The following EYS variants were observed in gnomAD, a reference collection of about 807,000 sequenced individuals.
The protein encoded by EYS is EGF-like photoreceptor maintenance factor.
Under a neutral mutation model 282.1 loss-of-function variants are expected in EYS, and 250 were observed. The observed-to-expected ratio is 0.89, with a 90% CI of 0.80 to 0.98. EYS has a LOEUF of 0.98. EYS is among the 50% of genes least tolerant of loss of function. The probability of loss-of-function intolerance (pLI) is 0.00; values close to 1 mark genes in which losing one functional copy is unlikely to be tolerated. For missense variants in EYS, 4,016 were observed against 3,709.0 expected (o/e 1.08, Z -2.15); for synonymous variants, 1,355 against 1,282.9 (o/e 1.06, Z -1.20).
At chr6:64,253,336 T>C (rs1305780781) in intron 30 of EYS, among the ~76,000 whole-genome samples, 2 of 152,140 alleles carry the variant, frequency 1.3e-5, no homozygotes, top group Non-Finnish European at 2.9e-5. Flanking sequence ...GTTGTAGATA[T>C]CAGTGGGTTT....
intron 5 of EYS, among the ~76,000 whole-genome samples, chr6:65,412,794 G>A (rs535113127): frequency 1.6e-4 from 25 of 151,968 alleles, no homozygotes; most frequent in Non-Finnish European, 3.1e-4. Flanking sequence ...TCTTAACATG[G>A]TATTTCTAGA....
intron 12 of EYS, among the ~76,000 whole-genome samples, chr6:65,147,603 A>C (rs1339492905): frequency 6.6e-6 from 1 of 151,790 alleles, no homozygotes; most frequent in Admixed American, 6.6e-5. Flanking sequence ...TAATGTTGTC[A>C]CTCCTTCTTG....
intron 6 of EYS, among the ~76,000 whole-genome samples, chr6:65,403,448 T>G (rs1766595202): frequency 1.3e-5 from 2 of 152,000 alleles, no homozygotes; most frequent in African/African-American, 4.8e-5. Flanking sequence ...CATATTTATC[T>G]GAACAACAAG....
intron 1 of EYS, among the ~76,000 whole-genome samples, chr6:65,671,871 A>G (rs149287050): frequency 6.6e-6 from 1 of 152,228 alleles, no homozygotes; most frequent in East Asian, 1.9e-4. Flanking sequence ...TTTGGAGGGA[A>G]CTAGCTAAGA....
At chr6:63,929,958 A>G (rs550272187) in intron 35 of EYS, among the ~76,000 whole-genome samples, 2 of 152,346 alleles carry the variant, frequency 1.3e-5, no homozygotes, top group Non-Finnish European at 2.9e-5. Flanking sequence ...TTAATACAAT[A>G]AACTGAAACC....
At chr6:65,062,912 A>T (rs1773621829) in intron 12 of EYS, among the ~76,000 whole-genome samples, 1 of 152,040 alleles carries the variant, frequency 6.6e-6, no homozygotes, top group Admixed American at 6.6e-5. Flanking sequence ...TGTATTTCTT[A>T]TTTTTGTTTG....
chr6:64,515,783 C>A (rs1777542345), intron 26 of EYS, among the ~76,000 whole-genome samples: 1 of 151,272 alleles, frequency 6.6e-6, no homozygotes, highest in South Asian at 2.1e-4. Context: ...ATAAAATAAT[C>A]CTGTTGTTAT....
chr6:64,850,801 G>A (rs1417716009), intron 19 of EYS, among the ~76,000 whole-genome samples: 1 of 152,090 alleles, frequency 6.6e-6, no homozygotes, highest in Non-Finnish European at 1.5e-5. Context: ...TAAGAAGACC[G>A]ATCAGATAGA....
intron 22 of EYS, among the ~76,000 whole-genome samples, chr6:64,707,114 C>A (rs1771046626): frequency 1.1e-5 from 1 of 87,408 alleles, no homozygotes; most frequent in African/African-American, 3.6e-5. Flanking sequence ...CATACACACA[C>A]ACACACACAC....
intron 32 of EYS, among the ~76,000 whole-genome samples, chr6:64,080,522 T>C (rs999303478): frequency 2.0e-5 from 3 of 152,184 alleles, no homozygotes; most frequent in African/African-American, 7.2e-5. Context: ...TTCACTCTGA[T>C]GGTAGTTTCT....
At chr6:63,781,891 A>G (rs1314144197) in intron 39 of EYS, among the ~76,000 whole-genome samples, 2 of 152,170 alleles carry the variant, frequency 1.3e-5, no homozygotes, top group Non-Finnish European at 2.9e-5. Flanking sequence ...TGGGTTTGTC[A>G]TAAATAGCTC....
intron 2 of EYS, among the ~76,000 whole-genome samples, chr6:65,623,945 C>T (rs1766610755): frequency 1.3e-5 from 2 of 152,136 alleles, no homozygotes; most frequent in Non-Finnish European, 2.9e-5. Context: ...GAATGTTCTG[C>T]TTTCAGGAAT....
chr6:64,001,335 A>T (rs1279860555), intron 33 of EYS, among the ~76,000 whole-genome samples: 1 of 152,240 alleles, frequency 6.6e-6, no homozygotes, highest in Non-Finnish European at 1.5e-5. Flanking sequence ...TGTAAAAATA[A>T]ATTACACAGT....
chr6:65,459,291 A>T (rs754722360), intron 5 of EYS, among the ~76,000 whole-genome samples: 1 of 152,058 alleles, frequency 6.6e-6, no homozygotes, highest in Non-Finnish European at 1.5e-5. Context: ...ATTTTCACTT[A>T]TTAGAAAAGA....
intron 30 of EYS, among the ~76,000 whole-genome samples, chr6:64,301,517 G>A (rs555375294): frequency 1.3e-5 from 2 of 152,204 alleles, no homozygotes; most frequent in African/African-American, 4.8e-5. Flanking sequence ...TCACATACCG[G>A]AACTAAAACA....
intron 12 of EYS, among the ~76,000 whole-genome samples, chr6:65,204,514 T>C (rs143496500): frequency 2.6e-5 from 4 of 151,606 alleles, no homozygotes; most frequent in African/African-American, 7.2e-5. Flanking sequence ...TTCTTCCAGA[T>C]TGGACCTATA....
chr6:65,193,867 C>G (rs1360414370), intron 12 of EYS, among the ~76,000 whole-genome samples: 8 of 151,824 alleles, frequency 5.3e-5, no homozygotes, highest in Non-Finnish European at 1.0e-4. Context: ...CCAATGGGAT[C>G]AGTGTCTCAG....
chr6:65,383,932 C>T (rs1002886125), intron 8 of EYS, among the ~76,000 whole-genome samples: 1 of 151,772 alleles, frequency 6.6e-6, no homozygotes, highest in East Asian at 1.9e-4. Context: ...GACATACCTA[C>T]AAGTAACATT....
chr6:65,368,833 G>A (rs1765018323), intron 8 of EYS, among the ~76,000 whole-genome samples: 1 of 151,502 alleles, frequency 6.6e-6, no homozygotes, highest in Non-Finnish European at 1.5e-5. Flanking sequence ...CTCAATTAAT[G>A]AAGTTCTTTC....
Sources: gnomAD v4.1 joint callset for allele counts (sites outside exome capture counted in the v4.1 genomes callset) on GRCh38, gnomAD v4.1.1 for gene constraint, MANE v1.5 for transcripts, NCBI Gene and HGNC (gene_info 2026-07-23, HGNC 2026-07-21) for gene names.